Variants in ROBO3 observed in about 807,000 individuals in gnomAD.
The protein encoded by ROBO3 is roundabout homolog 3.
A neutral mutation model predicts 160.5 loss-of-function variants in ROBO3; 97 were observed. That is an observed-to-expected ratio of 0.60 (90% CI 0.51 to 0.72). ROBO3 has a LOEUF of 0.72. Ranked by LOEUF, ROBO3 falls within the 30% of genes least tolerant of loss-of-function variation. ROBO3 has a pLI of 0.00. For synonymous variants in ROBO3, 780 were observed against 746.2 expected (o/e 1.05, Z -0.74); for missense variants, 1,858 against 1,846.5 (o/e 1.01, Z -0.11).
chr11:124,870,045 C>G lies in ROBO3; in HGVS notation c.743C>G (p.Ala248Gly), dbSNP rs1946259129. 1 of 1,613,962 alleles carries G rather than the reference C, an allele frequency of 6.2e-7. No individual in the cohort carries two copies. Residue 248 changes from alanine (A) to glycine (G), a missense_variant, in exon 4 of 28, where the codon GCG (alanine) becomes GGG (glycine). Coordinates refer to ENST00000397801, the MANE Select transcript of ROBO3 (RefSeq NM_022370.4). The stretch of plus-strand genomic sequence containing the variant: ...AACATGGCGGGAGAACGGGAGAGTG[C>G]GGCAGCTGAAGTCATGGTACTGGGT... ...ASNMAGERES[A>G]AAEVMVLERP...
chr11:124,870,931 T>C (rs1946272830), intron 6 of ROBO3, 83 bp from the exon 7 acceptor site: 5 of 1,557,890 alleles, frequency 3.2e-6, no homozygotes, highest in African/African-American at 2.7e-5. Context: ...TGAGCTAAGC[T>C]GGAGCTTCTC....
Position 124,869,330 on chromosome 11 carries a change from C to T in ROBO3, c.488-120C>T, listed in dbSNP as rs1946246853. On this transcript the variant is annotated intron_variant, in intron 2 of 27. Transcript: ENST00000397801. This position sits in a 1 kb window ranked among gnomAD's most constrained non-coding sequence, Gnocchi z 4.2. The stretch of plus-strand genomic sequence containing the variant: ...TGACTCCAGGCTGATATTTTCTCAC[C>T]TGGGAACGAATTCCAGTCTGCAGCG... The T allele has an allele frequency of 8.6e-7, 1 of 1,159,224 alleles. No individual in the cohort carries two copies. Among genetic ancestry groups the T allele is most frequent in the African/African-American group, 1.5e-5 (1 of 64,552 alleles). The allele number at this position is 1,159,224 out of a possible 1,614,324, so 71.8% of individuals were successfully genotyped here. A position where few individuals can be genotyped will look rare whatever the true frequency, so the allele number is the denominator to read the frequency against.
Position 124,878,144 on chromosome 11 carries a change from C to T in ROBO3, c.3181+13C>T, listed in dbSNP as rs1946451124. ...CAGGGGGACAGTGGTATGACTCCAA[C>T]TCCTGAAACCCCGTTTAGCCCTGAC... is the stretch of plus-strand genomic sequence containing the variant. On this transcript the variant is annotated intron_variant, in intron 21 of 27. Coordinates refer to ENST00000397801, the MANE Select transcript of ROBO3 (RefSeq NM_022370.4). The surrounding 1 kb of genome is among the most constrained non-coding windows in gnomAD (Gnocchi z 4.3). 6.3e-7 allele frequency: 1 copy of T among 1,594,836 alleles called. No homozygotes were observed. The highest frequency in any genetic ancestry group is 8.5e-7 in the Non-Finnish European group (1 of 1,171,020).
Position 124,877,191 on chromosome 11 carries a change from C to T in ROBO3, c.2803+7C>T, listed in dbSNP as rs762275356. The T allele has an allele frequency of 6.8e-6, 11 of 1,613,982 alleles. No individual in the cohort carries two copies. Among genetic ancestry groups the T allele is most frequent in the Non-Finnish European group, 9.3e-6 (11 of 1,179,886 alleles). The stretch of plus-strand genomic sequence containing the variant: ...TTTGCCTACACACCGGCAGGTAAGC[C>T]ATCTCTGCCCCAGTGGGGTTCAGAC... On this transcript the variant is annotated splice_region_variant and intron_variant, in intron 18 of 27. Transcript: ENST00000397801.
Position 124,879,946 on chromosome 11 carries a change from A to G in ROBO3, c.3956A>G (p.Asp1319Gly). 1.3e-6 allele frequency: 2 copies of G among 1,574,292 alleles called. No homozygotes were observed. Among genetic ancestry groups the G allele is most frequent in the Non-Finnish European group, 1.7e-6 (2 of 1,160,186 alleles). ...GCAGCCCAGCGGGTGCTCCACCCAG[A>G]TGGTAAGCAGGGCCAGGGCAGGCAG... Reference protein sequence around the residue: ...PLAAQRVLHPDEEAWLPYSRP... With the variant: ...PLAAQRVLHPGEEAWLPYSRP... Residue 1319 changes from aspartate to glycine, a missense_variant and splice_region_variant, in exon 26 of 28, where the codon GAT (aspartate) becomes GGT (glycine). Physicochemically the swap from Asp to Gly is moderately conservative, Grantham distance 94 (BLOSUM62 -1). Transcript: ENST00000397801.
rs138563403 is a variant in ROBO3, at chr11:124,871,640, A to G, written c.1158+502A>G. ...CAAACAAATCTCAAAATCCAGAAGCAGAATGAACATTAACTGAAGTTACCA... is the reference window on the plus strand; with the variant it reads ...CAAACAAATCTCAAAATCCAGAAGCGGAATGAACATTAACTGAAGTTACCA... On this transcript the variant is annotated intron_variant, in intron 7 of 27. Coordinates refer to ENST00000397801, the MANE Select transcript of ROBO3 (RefSeq NM_022370.4). Among the ~76,000 whole-genome samples, 264 of 152,374 alleles carry G rather than the reference A, an allele frequency of 1.7e-3. No homozygotes were observed. In the Middle Eastern group the frequency reaches 0.024, roughly 14 times the overall value.
chr11:124,874,096 C>T lies in ROBO3; in HGVS notation c.1811C>T (p.Thr604Ile). 2 of 1,613,950 alleles carry T rather than the reference C, an allele frequency of 1.2e-6. No homozygotes were observed. The highest frequency in any genetic ancestry group is 1.7e-6 in the Non-Finnish European group (2 of 1,179,892). ...FSPAAGNTWR[T>I]VADGVQLETH... Reference sequence around the variant, plus strand: ...CCAGCAGCTGGCAACACATGGCGTACTGTGGCAGATGGCGTGCAGCTGGAG... The same window carrying T: ...CCAGCAGCTGGCAACACATGGCGTATTGTGGCAGATGGCGTGCAGCTGGAG... Residue 604 changes from threonine (T) to isoleucine (I), a missense_variant, in exon 12 of 28, where the codon ACT becomes ATT. Transcript: ENST00000397801.
At chr11:124,868,597 A>G (rs1946234443) in intron 1 of ROBO3, 1 of 687,320 alleles carries the variant, frequency 1.5e-6, no homozygotes, top group African/African-American at 1.8e-5. Flanking sequence ...GTCTGTAGGC[A>G]TCTTCCTTTG....
chr11:124,875,526 T>A, intron 14 of ROBO3, 38 bp from the exon 15 acceptor site: 1 of 1,607,880 alleles, frequency 6.2e-7, no homozygotes, highest in Non-Finnish European at 8.5e-7. Context: ...TTGCAATGAC[T>A]ATTTGTGTCC....
At chr11:124,879,716 G>A (rs1055783710) in intron 25 of ROBO3, 71 bp from the exon 26 acceptor site, 12 of 1,595,174 alleles carry the variant, frequency 7.5e-6, no homozygotes, top group Non-Finnish European at 6.8e-6. Context: ...CTGGTGCCAG[G>A]GAATGCAGGT....
Position 124,874,155 on chromosome 11 carries a change from A to G in ROBO3, c.1870A>G (p.Ile624Val), listed in dbSNP as rs1284374211. Reference protein sequence around the residue: ...HTVSGLQPNTIYLFLVRAVGA... With the variant: ...HTVSGLQPNTVYLFLVRAVGA... ...AGTCAGCGGTCTGCAGCCCAATACC[A>G]TCTACCTGTTTCTGGTTCGAGCAGT... The change falls in exon 12 of 28, where the codon ATC (isoleucine) becomes GTC (valine). Residue 624 changes from isoleucine (I) to valine (V), a missense_variant. By Grantham distance (29) the Ile-to-Val change is conservative. Coordinates refer to ENST00000397801, the MANE Select transcript of ROBO3 (RefSeq NM_022370.4). The G allele has an allele frequency of 1.2e-6, 2 of 1,613,888 alleles. No individual in the cohort carries two copies. The highest frequency in any genetic ancestry group is 1.1e-5 in the South Asian group (1 of 91,074).
chr11:124,878,011 A>T lies in ROBO3; in HGVS notation c.3061A>T (p.Thr1021Ser). The T allele has an allele frequency of 6.2e-7, 1 of 1,612,204 alleles. No individual in the cohort carries two copies. The highest frequency in any genetic ancestry group is 8.5e-7 in the Non-Finnish European group (1 of 1,179,176). ...CCCTGGCGAGGGTCCTGTCTATAGC[A>T]CCATTGACCCAGCGGGGGAGGAGCT... is the stretch of plus-strand genomic sequence containing the variant. ...AAPGEGPVYS[T>S]IDPAGEELQT... The change falls in exon 21 of 28, where the codon ACC becomes TCC. Residue 1021 changes from threonine to serine, a missense_variant. Coordinates refer to ENST00000397801, the MANE Select transcript of ROBO3 (RefSeq NM_022370.4). The surrounding 1 kb of genome is among the most constrained non-coding windows in gnomAD (Gnocchi z 4.3).
In ROBO3 at chr11:124,877,530, G is replaced by A; in HGVS notation, c.2858G>A (p.Gly953Asp). ...CTGCTCTCCCTCAGGCCACCCATGG[G>A]CCTTGGCCCCGCCCCCTACTCATGG... ...LSGASSRPPM[G>D]LGPAPYSWLA... is the part of the protein sequence containing the mutation. Residue 953 changes from glycine (G) to aspartate (D), a missense_variant, in exon 20 of 28, where the codon GGC (glycine) becomes GAC (aspartate). Transcript: ENST00000397801. The A allele has an allele frequency of 6.2e-7, 1 of 1,601,142 alleles. No individual in the cohort carries two copies. Among genetic ancestry groups the A allele is most frequent in the Non-Finnish European group, 8.5e-7 (1 of 1,174,314 alleles).
Position 124,871,084 on chromosome 11 carries a change from CG to C in ROBO3, c.1105del (p.Glu369ArgfsTer73). The C allele has an allele frequency of 6.2e-7, 1 of 1,613,580 alleles. No homozygotes were observed. Among genetic ancestry groups the C allele is most frequent in the African/African-American group, 1.3e-5 (1 of 74,972 alleles). On this transcript the variant is annotated frameshift_variant, in exon 7 of 28. Coordinates refer to ENST00000397801, the MANE Select transcript of ROBO3 (RefSeq NM_022370.4). LOFTEE classifies it high-confidence loss of function. ...APGESVAFQC[E>X]TKGNPPPAIF... ...CTGGAGAGAGCGTGGCTTTCCAGTGCGAGACCAAAGGAAACCCCCCACCTGC... is the reference window on the plus strand; with the variant it reads ...CTGGAGAGAGCGTGGCTTTCCAGTGCAGACCAAAGGAAACCCCCCACCTGC...
Position 124,868,997 on chromosome 11 carries a change from C to T in ROBO3, c.356C>T (p.Pro119Leu), listed in dbSNP as rs1186482319. Reference sequence around the variant, plus strand: ...CCGCGTGCGCACCGCCTGCTGCTGCCCAGCGGCGCCCTCTTCTTCCCGCGC... The same window carrying T: ...CCGCGTGCGCACCGCCTGCTGCTGCTCAGCGGCGCCCTCTTCTTCCCGCGC... ...EDPRAHRLLL[P>L]SGALFFPRIV... is the part of the protein sequence containing the mutation. Residue 119 changes from proline to leucine, a missense_variant, in exon 2 of 28, where the codon CCC (proline) becomes CTC (leucine). Physicochemically the swap from Pro to Leu is moderately conservative, Grantham distance 98. Transcript: ENST00000397801. The T allele has an allele frequency of 6.3e-7, 1 of 1,599,756 alleles. No homozygotes were observed. The highest frequency in any genetic ancestry group is 8.5e-7 in the Non-Finnish European group (1 of 1,174,108).
In ROBO3 at chr11:124,865,876, G is replaced by A. The variant is rs548536091; in HGVS notation, c.160+139G>A. On this transcript the variant is annotated intron_variant, in intron 1 of 27. Transcript: ENST00000397801. This position sits in a 1 kb window ranked among gnomAD's most constrained non-coding sequence, Gnocchi z 5.5. ...TCCCAGCGCCTCCCTGGGTCGTGGGGTCTAAGGGATAATTTGGAGCTTCGA... is the reference window on the plus strand; with the variant it reads ...TCCCAGCGCCTCCCTGGGTCGTGGGATCTAAGGGATAATTTGGAGCTTCGA... 61 of 1,003,488 alleles carry A rather than the reference G, an allele frequency of 6.1e-5. No homozygotes were observed. Among genetic ancestry groups the A allele is most frequent in the Admixed American group, 5.7e-4 (20 of 35,116 alleles). 62.2% of individuals were successfully genotyped at this position (1,003,488 alleles called of 1,614,324 possible).
At chr11:124,868,691 G>A (rs989096708) in intron 1 of ROBO3, 111 bp from the exon 2 acceptor site, 12 of 1,131,344 alleles carry the variant, frequency 1.1e-5, no homozygotes, top group Middle Eastern at 3.8e-4. Context: ...ACTGAGCTCC[G>A]CAGAGAAGCA....
chr11:124,876,150 G>A lies in ROBO3; in HGVS notation c.2593+25G>A, dbSNP rs1200012431. ...CGTGAGTCCACCCGAGGGCAGTGCTGAGGATCTTGACGGGGGCGGGGCAAG... is the reference window on the plus strand; with the variant it reads ...CGTGAGTCCACCCGAGGGCAGTGCTAAGGATCTTGACGGGGGCGGGGCAAG... On this transcript the variant is annotated intron_variant, in intron 16 of 27. Transcript: ENST00000397801. This position sits in a 1 kb window ranked among gnomAD's most constrained non-coding sequence, Gnocchi z 5.3. The A allele has an allele frequency of 3.8e-6, 6 of 1,577,234 alleles. No homozygotes were observed. In the East Asian group the frequency reaches 6.7e-5, roughly 18 times the overall value.
intron 26 of ROBO3, 45 bp downstream of exon 26, chr11:124,879,993 C>G (rs759370614): frequency 1.1e-4 from 170 of 1,503,370 alleles, no homozygotes; most frequent in Non-Finnish European, 1.4e-4. Flanking sequence ...CCACAGGAGA[C>G]TGTGGGCTTT....
Sources: gnomAD v4.1 joint callset for allele counts (sites outside exome capture counted in the v4.1 genomes callset) on GRCh38, gnomAD v4.1.1 for gene constraint, Gnocchi (gnomAD v3.1) non-coding constraint, MANE v1.5 for transcripts, NCBI Gene and HGNC (gene_info 2026-07-23, HGNC 2026-07-21) for gene names.